The following WFS1 variants were observed in gnomAD, a reference collection of about 807,000 sequenced individuals.
The protein encoded by WFS1 is wolframin.
In WFS1, 90 loss-of-function variants were observed where a neutral mutation model predicts 68.5. That is an observed-to-expected ratio of 1.31 (90% confidence interval 1.11 to 1.56). WFS1 has a LOEUF of 1.56. Ranked by LOEUF, WFS1 falls within the 40% of genes most tolerant of loss-of-function variation. WFS1 has a pLI of 0.00. For synonymous variants in WFS1, 860 were observed against 540.7 expected, an observed-to-expected ratio of 1.59 and a Z score of -8.19; for missense variants, 1,767 against 1,232.6, an observed-to-expected ratio of 1.43 and a Z score of -6.49.
At position 6,283,091 on chromosome 4, in the gene WFS1, CG is replaced by C. The variant is rs1350860020; in HGVS notation, c.233-3999del. Among the ~76,000 whole-genome samples, 1 of 152,180 alleles carries C rather than the reference CG, an allele frequency of 6.6e-6. No homozygotes were observed. Among genetic ancestry groups the C allele is most frequent in the East Asian group, 1.9e-4 (1 of 5,190 alleles). The stretch of plus-strand genomic sequence containing the variant: ...AGCAAGATATGGCAGTGGGCTGTGC[CG>C]GGAAGGGGCGCATCCTGGAGGATGC... On this transcript the variant is annotated intron_variant, in intron 2 of 7. Coordinates refer to ENST00000226760, the MANE Select transcript of WFS1 (RefSeq NM_006005.3). The surrounding 1 kb of genome is among the most constrained non-coding windows in gnomAD (Gnocchi z 5.0).
chr4:6,287,393 C>T lies in WFS1; in HGVS notation c.315+218C>T, dbSNP rs1285117193. 2 of 581,562 alleles carry T rather than the reference C, an allele frequency of 3.4e-6. No homozygotes were observed. The highest frequency in any genetic ancestry group is 6.2e-6 in the Non-Finnish European group (2 of 320,932). 36.0% of individuals were successfully genotyped at this position (581,562 alleles called of 1,614,324 possible). On this transcript the variant is annotated intron_variant, in intron 3 of 7. Coordinates refer to ENST00000226760, the MANE Select transcript of WFS1 (RefSeq NM_006005.3). The surrounding 1 kb of genome is among the most constrained non-coding windows in gnomAD (Gnocchi z 6.4). ...CACTCCTCTGGGGAGCAGCGCTCAT[C>T]CCCCTTTTGTCCAACTCACACCTCA...
intron 4 of WFS1, among the ~76,000 whole-genome samples, chr4:6,290,188 C>T (rs535036799): frequency 2.1e-4 from 32 of 152,374 alleles, no homozygotes; most frequent in African/African-American, 7.2e-4. Context: ...ATCCACCCTC[C>T]TTGGCCTCCC....
intron 7 of WFS1, 52 bp from the exon 8 acceptor site, chr4:6,300,605 A>C: frequency 6.2e-7 from 1 of 1,611,956 alleles, no homozygotes; most frequent in Non-Finnish European, 8.5e-7. Flanking sequence ...GTGAGATGGG[A>C]GCAGTGGGGG....
intron 1 of WFS1, among the ~76,000 whole-genome samples, chr4:6,271,830 C>A (rs961346121): frequency 6.6e-6 from 1 of 152,194 alleles, no homozygotes; most frequent in African/African-American, 2.4e-5. Flanking sequence ...GGGTCAGGTC[C>A]GCCTCCCGAG....
In WFS1 at chr4:6,269,854, A is replaced by G. The variant is rs1729743956; in HGVS notation, c.-166A>G. On this transcript the variant is annotated 5_prime_UTR_variant, in exon 1 of 8. Transcript: ENST00000226760. Reference sequence around the variant, plus strand: ...CCGCCCCTGCCCCGCCCCCTCGTGCAGAAGGCCGCGCTAGCCGGCTCTTCA... The same window carrying G: ...CCGCCCCTGCCCCGCCCCCTCGTGCGGAAGGCCGCGCTAGCCGGCTCTTCA... 1 of 152,148 alleles carries G rather than the reference A, an allele frequency of 6.6e-6. No homozygotes were observed. The highest frequency in any genetic ancestry group is 1.9e-4 in the East Asian group (1 of 5,172). The allele number at this position is 152,148 out of a possible 1,614,324, so 9.4% of individuals were successfully genotyped here.
chr4:6,275,572 G>A (rs1456789125), intron 1 of WFS1, among the ~76,000 whole-genome samples: 1 of 100,564 alleles, frequency 9.9e-6, no homozygotes, highest in Non-Finnish European at 1.8e-5. Context: ...TGCATGGTTT[G>A]CACCTGGGGG....
intron 4 of WFS1, among the ~76,000 whole-genome samples, chr4:6,290,630 G>C (rs1730434150): frequency 6.6e-6 from 1 of 152,236 alleles, no homozygotes; most frequent in Non-Finnish European, 1.5e-5. Context: ...CCCTCTGCTT[G>C]GTTGTGCCAG....
intron 7 of WFS1, among the ~76,000 whole-genome samples, chr4:6,299,224 G>C (rs1730752896): frequency 6.6e-6 from 1 of 152,368 alleles, no homozygotes; most frequent in Middle Eastern, 3.4e-3. Flanking sequence ...CTGGCCCTGG[G>C]TGGCAGCGCT....
At chr4:6,273,325 T>C (rs1448528559) in intron 1 of WFS1, among the ~76,000 whole-genome samples, 3 of 152,206 alleles carry the variant, frequency 2.0e-5, no homozygotes, top group African/African-American at 4.8e-5. Context: ...TCATTGCTCA[T>C]GAGGAAAGAA....
At position 6,291,971 on chromosome 4, in the gene WFS1, T is replaced by C. The variant is rs774525063; in HGVS notation, c.686T>C (p.Met229Thr). 2.2e-5 allele frequency: 35 copies of C among 1,609,264 alleles called. No individual in the cohort carries two copies. The highest frequency in any genetic ancestry group is 8.4e-5 in the Admixed American group (5 of 59,626). ...AAGTCCCTGCAGAAGCAGAGGCGCA[T>C]GCTGGAGCGCCTGGTCAGCAGCGAG... ...VPKSLQKQRR[M>T]LERLVSSESK... The change falls in exon 6 of 8, where the codon ATG becomes ACG. Residue 229 changes from methionine to threonine, a missense_variant. Transcript: ENST00000226760.
Position 6,295,125 on chromosome 4 carries a change from A to G in WFS1, c.797A>G (p.Gln266Arg), listed in dbSNP as rs770355931. The G allele has an allele frequency of 1.9e-6, 3 of 1,613,306 alleles. No homozygotes were observed. Among genetic ancestry groups the G allele is most frequent in the East Asian group, 2.2e-5 (1 of 44,876 alleles). Residue 266 changes from glutamine to arginine, a missense_variant, in exon 7 of 8, where the codon CAG (glutamine) becomes CGG (arginine). Physicochemically the swap from Gln to Arg is conservative, Grantham distance 43. Coordinates refer to ENST00000226760, the MANE Select transcript of WFS1 (RefSeq NM_006005.3). ...KGVIPSSLFLQDDEDDDELAG... is the reference protein window; with the variant it reads ...KGVIPSSLFLRDDEDDDELAG... Reference sequence around the variant, plus strand: ...GTCATCCCCAGCAGCCTGTTCCTGCAGGACGACGAAGATGATGACGAGCTG... The same window carrying G: ...GTCATCCCCAGCAGCCTGTTCCTGCGGGACGACGAAGATGATGACGAGCTG...
At chr4:6,275,590 G>T (rs1323656545) in intron 1 of WFS1, among the ~76,000 whole-genome samples, 2 of 57,180 alleles carry the variant, frequency 3.5e-5, no homozygotes, top group African/African-American at 1.4e-4. Flanking sequence ...GGGATGCACG[G>T]GGGTGGGGTG....
At chr4:6,295,243 A>G (rs1327875894) in intron 7 of WFS1, 54 bp downstream of exon 7, 3 of 1,605,734 alleles carry the variant, frequency 1.9e-6, no homozygotes, top group East Asian at 2.2e-5. Context: ...GGACTCGCGC[A>G]CCTCAGGCAG....
At chr4:6,279,061 C>T (rs1379468459) in intron 2 of WFS1, among the ~76,000 whole-genome samples, 2 of 152,180 alleles carry the variant, frequency 1.3e-5, no homozygotes, top group African/African-American at 4.8e-5. Context: ...CAGTCCCCAC[C>T]ACTGGGCCTG....
intron 2 of WFS1, among the ~76,000 whole-genome samples, chr4:6,280,050 T>C (rs865829406): frequency 4.0e-4 from 61 of 150,950 alleles, no homozygotes; most frequent in African/African-American, 1.4e-3. Flanking sequence ...GCTTGGAAGC[T>C]CAGGGGCTCC....
chr4:6,302,524 T>C lies in WFS1; in HGVS notation c.*56T>C. On this transcript the variant is annotated 3_prime_UTR_variant, in exon 8 of 8. Transcript: ENST00000226760. Reference sequence around the variant, plus strand: ...ATGTTGCCATGAGGCCTTTCCCCAGTGTGGCCCCAGCCCGACAGGCATGCA... The same window carrying C: ...ATGTTGCCATGAGGCCTTTCCCCAGCGTGGCCCCAGCCCGACAGGCATGCA... 6.2e-7 allele frequency: 1 copy of C among 1,604,886 alleles called. No individual in the cohort carries two copies. The highest frequency in any genetic ancestry group is 8.5e-7 in the Non-Finnish European group (1 of 1,178,246).
chr4:6,287,086 G>A lies in WFS1; in HGVS notation c.233-7G>A. 2 of 1,554,822 alleles carry A rather than the reference G, an allele frequency of 1.3e-6. No individual in the cohort carries two copies. The highest frequency in any genetic ancestry group is 1.4e-5 in the African/African-American group (1 of 73,682). ...TGACATGTGTGTTTGTTTCTTCTGT[G>A]TTAAAGGGCCTACAAAGGGAGACAT... On this transcript the variant is annotated splice_polypyrimidine_tract_variant and splice_region_variant and intron_variant, in intron 2 of 7. Coordinates refer to ENST00000226760, the MANE Select transcript of WFS1 (RefSeq NM_006005.3). This position sits in a 1 kb window ranked among gnomAD's most constrained non-coding sequence, Gnocchi z 6.4.
At chr4:6,299,220 C>G (rs899357488) in intron 7 of WFS1, among the ~76,000 whole-genome samples, 8 of 152,254 alleles carry the variant, frequency 5.3e-5, no homozygotes, top group Non-Finnish European at 7.3e-5. Context: ...AGGGCTGGCC[C>G]TGGGTGGCAG....
chr4:6,281,251 C>T (rs985151316), intron 2 of WFS1, among the ~76,000 whole-genome samples: 4 of 152,112 alleles, frequency 2.6e-5, no homozygotes, highest in Admixed American at 6.5e-5. Context: ...GAAGGGCCTT[C>T]GGGTGTGGGG....
Sources: allele counts gnomAD v4.1 joint callset (sites outside exome capture counted in the v4.1 genomes callset), GRCh38; gene constraint gnomAD v4.1.1; non-coding constraint Gnocchi (gnomAD v3.1); transcripts MANE v1.5; gene names NCBI Gene and HGNC (gene_info 2026-07-23, HGNC 2026-07-21).